Variants in LRRC20 observed in about 807,000 individuals in gnomAD.
LRRC20 encodes leucine rich repeat containing 20.
Under a neutral mutation model 14.4 loss-of-function variants are expected in LRRC20, and 11 were observed. The ratio of observed to expected loss-of-function variants is 0.77; its 90% CI spans 0.48 to 1.27. The LOEUF is 1.27. LRRC20 is among the 50% of genes most tolerant of loss of function. The pLI is 0.00. For missense variants in LRRC20, 219 were observed against 251.2 expected (o/e 0.87, Z 0.87); for synonymous variants, 121 against 107.3 (o/e 1.13, Z -0.79).
At chr10:70,325,723 T>A (rs1842290309) in intron 3 of LRRC20, among the ~76,000 whole-genome samples, 1 of 152,186 alleles carries the variant, frequency 6.6e-6, no homozygotes, top group African/African-American at 2.4e-5. Flanking sequence ...GGCAGAAACC[T>A]AGCAGCTGTC....
At chr10:70,375,937 A>G (rs1372415252) in intron 2 of LRRC20, among the ~76,000 whole-genome samples, 1 of 152,152 alleles carries the variant, frequency 6.6e-6, no homozygotes, top group Non-Finnish European at 1.5e-5. Context: ...CAAAGCAAAA[A>G]AATATATAAG....
Position 70,300,558 on chromosome 10 carries a change from C to T in LRRC20, c.*796G>A, listed in dbSNP as rs1472019021. 2 of 985,538 alleles carry T rather than the reference C, an allele frequency of 2.0e-6. No individual in the cohort carries two copies. The highest frequency in any genetic ancestry group is 3.5e-5 in the African/African-American group (2 of 57,360). 61.0% of individuals were successfully genotyped at this position (985,538 alleles called of 1,614,324 possible). On this transcript the variant is annotated 3_prime_UTR_variant, in exon 5 of 5. Coordinates refer to ENST00000446961, the MANE Select transcript of LRRC20 (RefSeq NM_001278212.2). Reference sequence around the variant, plus strand: ...CTTTAGACAAGAGCTGCAGGTGTAACTGACTCTGCTGTTCTCTGGGCCACC... The same window carrying T: ...CTTTAGACAAGAGCTGCAGGTGTAATTGACTCTGCTGTTCTCTGGGCCACC...
intron 2 of LRRC20, 96 bp from the exon 3 acceptor site, chr10:70,340,798 C>T (rs1430503444): frequency 1.5e-6 from 2 of 1,332,656 alleles, no homozygotes; most frequent in African/African-American, 1.4e-5. Context: ...ATGCCCCCTT[C>T]CAGCCTCCTT....
chr10:70,308,592 C>T (rs57432784), intron 4 of LRRC20, among the ~76,000 whole-genome samples: 2,013 of 152,042 alleles, frequency 0.013, 48 homozygotes, highest in African/African-American at 0.046. Context: ...AGAAGACTGG[C>T]TATAGGGCAG....
At chr10:70,379,358 C>T (rs1844622547) in intron 1 of LRRC20, among the ~76,000 whole-genome samples, 1 of 152,142 alleles carries the variant, frequency 6.6e-6, no homozygotes, top group South Asian at 2.1e-4. Flanking sequence ...CTTGTTCTAA[C>T]CACTTTATGA....
intron 2 of LRRC20, among the ~76,000 whole-genome samples, chr10:70,364,381 T>C (rs1011596111): frequency 5.9e-5 from 9 of 152,244 alleles, no homozygotes; most frequent in Admixed American, 2.6e-4. Context: ...GGCACATGCA[T>C]TGCCCTCCAG....
intron 2 of LRRC20, among the ~76,000 whole-genome samples, chr10:70,368,916 C>A (rs1433430661): frequency 1.3e-5 from 2 of 152,198 alleles, no homozygotes; most frequent in Non-Finnish European, 2.9e-5. Context: ...AGCTACCGTG[C>A]CCGGCCTGAA....
chr10:70,352,202 A>G (rs533756519), intron 2 of LRRC20, among the ~76,000 whole-genome samples: 1 of 149,640 alleles, frequency 6.7e-6, no homozygotes, highest in Admixed American at 6.8e-5. Context: ...TTCACTTAAT[A>G]ACTTGTAAGG....
intron 3 of LRRC20, among the ~76,000 whole-genome samples, chr10:70,338,009 C>T (rs973518883): frequency 6.6e-6 from 1 of 152,196 alleles, no homozygotes; most frequent in Non-Finnish European, 1.5e-5. Context: ...AACATCCAAT[C>T]CCAATTGGCT....
intron 2 of LRRC20, among the ~76,000 whole-genome samples, chr10:70,355,719 C>A (rs10823526): frequency 2.0e-5 from 3 of 152,150 alleles, no homozygotes; most frequent in East Asian, 1.9e-4. Context: ...ACATCCCCAA[C>A]ATGCAGTGAC....
intron 4 of LRRC20, among the ~76,000 whole-genome samples, chr10:70,314,734 C>T (rs890937779): frequency 6.6e-6 from 1 of 152,072 alleles, no homozygotes; most frequent in African/African-American, 2.4e-5. Context: ...AACTTTTGCA[C>T]AGTACTTCCA....
rs1160243391 is a variant in LRRC20, at chr10:70,301,466, C to T, written c.443G>A (p.Ser148Asn). Residue 148 changes from serine to asparagine, a missense_variant, in exon 5 of 5, where the codon AGC (serine) becomes AAC (asparagine). Coordinates refer to ENST00000446961, the MANE Select transcript of LRRC20 (RefSeq NM_001278212.2). Reference protein sequence around the residue: ...EKLAAMPALRSINLRFNPLNA... With the variant: ...EKLAAMPALRNINLRFNPLNA... The stretch of plus-strand genomic sequence containing the variant: ...GAGTGGGTTGAAGCGGAGGTTGATG[C>T]TGCGCAAGGCTGGCATGGCGGCCAG... 2.5e-6 allele frequency: 4 copies of T among 1,614,004 alleles called. No individual in the cohort carries two copies. The Admixed American group carries it at 5.0e-5, about 20-fold the overall frequency.
chr10:70,301,199 G>A lies in LRRC20; in HGVS notation c.*155C>T, dbSNP rs923871305. On this transcript the variant is annotated 3_prime_UTR_variant, in exon 5 of 5. Transcript: ENST00000446961. ...ATTCCAGAGCCCACTACTGCTGTAA[G>A]CTATCTATCCAGACCAGCTGCACCC... 9 of 1,419,724 alleles carry A rather than the reference G, an allele frequency of 6.3e-6. No homozygotes were observed. In the African/African-American group the frequency reaches 1.0e-4, roughly 16 times the overall value. The allele number at this position is 1,419,724 out of a possible 1,614,324, so 87.9% of individuals were successfully genotyped here.
intron 4 of LRRC20, among the ~76,000 whole-genome samples, chr10:70,302,093 CACGAGGTCAGGATTTCAAG>C (rs1311944104): frequency 3.3e-5 from 5 of 152,240 alleles, no homozygotes; most frequent in Admixed American, 3.3e-4. Flanking sequence ...GCGGGTGGAT[CACGAGGTCAGGATTTCAAG>C]ACCTGCCTGG....
At chr10:70,326,337 C>T (rs866213917) in intron 3 of LRRC20, among the ~76,000 whole-genome samples, 8 of 152,056 alleles carry the variant, frequency 5.3e-5, no homozygotes, top group Admixed American at 1.3e-4. Flanking sequence ...CACACACGCA[C>T]GCGCCTGGGT....
chr10:70,375,581 C>G (rs906315900), intron 2 of LRRC20, among the ~76,000 whole-genome samples: 7 of 152,162 alleles, frequency 4.6e-5, no homozygotes, highest in African/African-American at 9.7e-5. Flanking sequence ...CAGACACACA[C>G]ACACACACAC....
chr10:70,377,676 A>G (rs1844558181), intron 1 of LRRC20, among the ~76,000 whole-genome samples: 1 of 152,238 alleles, frequency 6.6e-6, no homozygotes, highest in South Asian at 2.1e-4. Flanking sequence ...GGCGAAGGGC[A>G]GAGAGAAGGG....
chr10:70,353,020 A>G (rs1418372937), intron 2 of LRRC20, among the ~76,000 whole-genome samples: 4 of 152,184 alleles, frequency 2.6e-5, no homozygotes, highest in African/African-American at 9.6e-5. Flanking sequence ...TGAGAGGAGC[A>G]GGACCAACCT....
intron 3 of LRRC20, among the ~76,000 whole-genome samples, chr10:70,331,339 C>T (rs78199579): frequency 0.011 from 1,673 of 152,342 alleles, 33 homozygotes; most frequent in African/African-American, 0.039. Flanking sequence ...ACTGAGGCCA[C>T]GAAGGCCAAC....
Sources: gnomAD v4.1 joint callset for allele counts (sites outside exome capture counted in the v4.1 genomes callset) on GRCh38, gnomAD v4.1.1 for gene constraint, MANE v1.5 for transcripts, NCBI Gene and HGNC (gene_info 2026-07-23, HGNC 2026-07-21) for gene names.